The following COL4A1 variants were observed in gnomAD, a reference collection of about 807,000 sequenced individuals.
COL4A1 encodes collagen alpha-1(IV) chain.
Under a neutral mutation model 216.6 loss-of-function variants are expected in COL4A1, and 40 were observed. The observed-to-expected ratio is 0.18, with a 90% confidence interval of 0.14 to 0.24. The LOEUF is 0.24. Among genes scored for constraint, COL4A1 ranks in the 10% least tolerant of loss-of-function variants. COL4A1 has a pLI of 1.00. For missense variants in COL4A1, 1,628 were observed against 2,196.8 expected (o/e 0.74, Z 5.18); for synonymous variants, 839 against 810.7 (o/e 1.03, Z -0.59).
chr13:110,176,702 C>T lies in COL4A1; in HGVS notation c.2892G>A (p.Glu964=). 6.2e-7 allele frequency: 1 copy of T among 1,614,212 alleles called. No individual in the cohort carries two copies. Among genetic ancestry groups the T allele is most frequent in the Non-Finnish European group, 8.5e-7 (1 of 1,180,042 alleles). Residue 964 remains glutamate (E), a synonymous_variant, in exon 35 of 52, where the codon GAG becomes GAA. Coordinates refer to ENST00000375820, the MANE Select transcript of COL4A1 (RefSeq NM_001845.6). Reference sequence around the variant, plus strand: ...TCCCAGGGTCTCCTCGGGATCCCTTCTCACCAATTGGTCCAATTTGTCCTA... The same window carrying T: ...TCCCAGGGTCTCCTCGGGATCCCTTTTCACCAATTGGTCCAATTTGTCCTA... ...GEKGQIGPIG[E]KGSRGDPGTP... is the part of the protein sequence containing the mutation.
chr13:110,220,809 G>T (rs1880443577), intron 2 of COL4A1, among the ~76,000 whole-genome samples: 9 of 152,166 alleles, frequency 5.9e-5, no homozygotes, highest in Admixed American at 4.6e-4. Flanking sequence ...ACAGTGGCTG[G>T]GGTCTGAGGG....
rs139122216 is a variant in COL4A1, at chr13:110,174,532, GA to G, written c.3326-7del. 6.2e-7 allele frequency: 1 copy of G among 1,613,980 alleles called. No individual in the cohort carries two copies. The highest frequency in any genetic ancestry group is 2.2e-5 in the East Asian group (1 of 44,870). On this transcript the variant is annotated splice_polypyrimidine_tract_variant and splice_region_variant and intron_variant, in intron 38 of 51. Transcript: ENST00000375820. ...TCCAGGTAGCCCAGGACTTCCTAAA[GA>G]AAAAAACAAAACACCAGAACATCCA...
chr13:110,284,851 A>G (rs1883774947), intron 1 of COL4A1, among the ~76,000 whole-genome samples: 1 of 152,364 alleles, frequency 6.6e-6, no homozygotes, highest in South Asian at 2.1e-4. Context: ...TGCCTATTTC[A>G]TCTCCAAGAG....
intron 1 of COL4A1, among the ~76,000 whole-genome samples, chr13:110,288,224 A>G (rs1306375395): frequency 6.6e-6 from 1 of 151,352 alleles, no homozygotes; most frequent in African/African-American, 2.4e-5. Context: ...AGATCGTGCC[A>G]TTGCACTCCA....
rs139917163 is a variant in COL4A1, at chr13:110,150,402, C to T, written c.4971G>A (p.Thr1657=). ...PSTLKAGELR[T]HVSRCQVCMR... is the part of the protein sequence containing the mutation. ...TACAGACTTGGCAGCGGCTGACGTG[C>T]GTGCGCAGCTCCCCTGCCTTCAAGG... Residue 1657 remains threonine, a synonymous_variant, in exon 52 of 52, where the codon ACG becomes ACA. Coordinates refer to ENST00000375820, the MANE Select transcript of COL4A1 (RefSeq NM_001845.6). The T allele has an allele frequency of 3.9e-5, 63 of 1,613,866 alleles. No homozygotes were observed. The highest frequency in any genetic ancestry group is 1.1e-4 in the East Asian group (5 of 44,894).
chr13:110,233,915 C>T (rs1881180963), intron 2 of COL4A1, among the ~76,000 whole-genome samples: 1 of 152,194 alleles, frequency 6.6e-6, no homozygotes, highest in Admixed American at 6.5e-5. Context: ...CTCTGGGTTT[C>T]CAGGCTTCAC....
intron 1 of COL4A1, among the ~76,000 whole-genome samples, chr13:110,269,201 TC>T (rs1883153979): frequency 6.6e-6 from 1 of 152,228 alleles, no homozygotes; most frequent in Non-Finnish European, 1.5e-5. Flanking sequence ...AAAATCCATT[TC>T]CTGATGCCAG....
chr13:110,306,373 T>G (rs1014321101), intron 1 of COL4A1, among the ~76,000 whole-genome samples: 8 of 152,248 alleles, frequency 5.3e-5, no homozygotes, highest in Non-Finnish European at 1.0e-4. Context: ...ACTTCTGCCT[T>G]GGAGCGCGCC....
At chr13:110,253,206 ATATG>A (rs1226031053) in intron 1 of COL4A1, among the ~76,000 whole-genome samples, 8 of 142,210 alleles carry the variant, frequency 5.6e-5, no homozygotes, top group African/African-American at 1.0e-4. Flanking sequence ...ACATATAACT[ATATG>A]TATGTATGTA....
At position 110,178,812 on chromosome 13, in the gene COL4A1, T is replaced by C. The variant is rs191877599; in HGVS notation, c.2458+111A>G. The C allele has an allele frequency of 1.6e-5, 13 of 803,448 alleles. No homozygotes were observed. In the East Asian group the frequency reaches 3.5e-4, roughly 22 times the overall value. The allele number at this position is 803,448 out of a possible 1,614,324, so 49.8% of individuals were successfully genotyped here. A position where few individuals can be genotyped will look rare whatever the true frequency, so the allele number is the denominator to read the frequency against. ...ACTCGAGTTTTATTTTTTTCTCTTT[T>C]TATCTCATACATTGTGCTAAGCTTC... On this transcript the variant is annotated intron_variant, in intron 31 of 51. Coordinates refer to ENST00000375820, the MANE Select transcript of COL4A1 (RefSeq NM_001845.6).
chr13:110,217,510 C>T (rs1880148742), intron 2 of COL4A1, among the ~76,000 whole-genome samples: 1 of 152,176 alleles, frequency 6.6e-6, no homozygotes, highest in Admixed American at 6.5e-5. Context: ...CGGCCACAGA[C>T]TTCATGTCAG....
chr13:110,154,310 G>A (rs545574128), intron 50 of COL4A1, among the ~76,000 whole-genome samples: 2 of 152,354 alleles, frequency 1.3e-5, no homozygotes, highest in Admixed American at 6.5e-5. Context: ...TACAATGAGT[G>A]TATCAAACAG....
intron 2 of COL4A1, among the ~76,000 whole-genome samples, chr13:110,238,628 C>T (rs182456734): frequency 1.9e-3 from 287 of 152,294 alleles, no homozygotes; most frequent in African/African-American, 6.4e-3. Flanking sequence ...TGATGGTTTA[C>T]TCTCGCCTTG....
At chr13:110,253,698 ATACG>A (rs1285013388) in intron 1 of COL4A1, among the ~76,000 whole-genome samples, 175 of 107,378 alleles carry the variant, frequency 1.6e-3, no homozygotes, top group South Asian at 3.5e-3. Context: ...ACATATAATT[ATACG>A]TATGTATTAC....
rs540983592 is a variant in COL4A1, at chr13:110,164,983, C to T, written c.4029G>A (p.Pro1343=). The T allele has an allele frequency of 2.9e-5, 46 of 1,604,500 alleles. 1 individual carries two copies. The highest frequency in any genetic ancestry group is 1.7e-4 in the African/African-American group (13 of 74,982). Residue 1343 remains proline (P), a synonymous_variant, in exon 46 of 52, where the codon CCG becomes CCA. Transcript: ENST00000375820. The stretch of plus-strand genomic sequence containing the variant: ...AAGGACCTGGGGGGCCAGGAGGACC[C>T]GGGAGACCTGTGGGAATAGGGAAGG... ...DQGVPGAKGL[P]GPPGPPGPYD... is the part of the protein sequence containing the mutation.
At chr13:110,295,317 G>T in intron 1 of COL4A1, among the ~76,000 whole-genome samples, 1 of 143,860 alleles carries the variant, frequency 7.0e-6, no homozygotes. Flanking sequence ...GGAATGGGCT[G>T]ATTTTAAGTC....
At chr13:110,279,865 C>T (rs958101915) in intron 1 of COL4A1, among the ~76,000 whole-genome samples, 2 of 152,180 alleles carry the variant, frequency 1.3e-5, no homozygotes, top group South Asian at 2.1e-4. Flanking sequence ...GGGCCTGCAT[C>T]GAGAGGGCTG....
intron 2 of COL4A1, among the ~76,000 whole-genome samples, chr13:110,238,719 T>C: frequency 6.6e-6 from 1 of 152,184 alleles, no homozygotes; most frequent in East Asian, 1.9e-4. Flanking sequence ...CAGACTATGG[T>C]GATAGTGTTA....
chr13:110,183,696 G>A (rs1406149158), intron 26 of COL4A1, among the ~76,000 whole-genome samples: 9 of 152,214 alleles, frequency 5.9e-5, no homozygotes, highest in Non-Finnish European at 8.8e-5. Flanking sequence ...CCTAAATTAC[G>A]GTCGTTTGGT....
Sources: gnomAD v4.1 joint callset for allele counts (sites outside exome capture counted in the v4.1 genomes callset) on GRCh38, gnomAD v4.1.1 for gene constraint, MANE v1.5 for transcripts, NCBI Gene and HGNC (gene_info 2026-07-23, HGNC 2026-07-21) for gene names.